Variants in ADRA1A observed in about 807,000 individuals in gnomAD.
ADRA1A encodes alpha-1A adrenergic receptor.
ADRA1A carries 31 observed loss-of-function variants against 29.6 expected under a neutral mutation model. The ratio of observed to expected loss-of-function variants is 1.05; its 90% CI spans 0.79 to 1.41. ADRA1A has a LOEUF of 1.41. Ranked by LOEUF, ADRA1A falls within the 40% of genes most tolerant of loss-of-function variation. The pLI, the probability that ADRA1A is intolerant of heterozygous loss-of-function variation, is 0.00. For missense variants in ADRA1A, 619 were observed against 601.1 expected (o/e 1.03, Z -0.31); for synonymous variants, 311 against 254.3 (o/e 1.22, Z -2.12).
rs201746874 is a variant in ADRA1A at position 26,770,164 on chromosome 8, G to A, written c.1386C>T (p.Asn462=). ...IKVHTISLSE[N]GEEV is the part of the protein sequence containing the mutation. ...CTTTCCTGTCCTAGACTTCCTCCCC[G>A]TTCTCACTGAGGGAGATGGTGTGGA... Residue 462 remains asparagine, a synonymous_variant, in exon 3 of 3, where the codon AAC becomes AAT. Coordinates refer to ENST00000380573, the MANE Select transcript of ADRA1A (RefSeq NM_000680.4). 8.3e-5 allele frequency: 129 copies of A among 1,554,038 alleles called. No homozygotes were observed. The highest frequency in any genetic ancestry group is 6.3e-4 in the Admixed American group (34 of 53,706).
chr8:26,807,355 T>C (rs1225219622), intron 2 of ADRA1A, among the ~76,000 whole-genome samples: 1 of 152,190 alleles, frequency 6.6e-6, no homozygotes, highest in African/African-American at 2.4e-5. Flanking sequence ...CATGGGTGGC[T>C]AAAAATATTA....
chr8:26,845,604 A>G (rs891858616), intron 2 of ADRA1A, among the ~76,000 whole-genome samples: 8 of 152,230 alleles, frequency 5.3e-5, no homozygotes, highest in African/African-American at 1.7e-4. Context: ...AAGAACTGAA[A>G]ACTGGTACTC....
chr8:26,763,187 C>G (rs1805601003), downstream of ADRA1A, among the ~76,000 whole-genome samples: 1 of 152,152 alleles, frequency 6.6e-6, no homozygotes, highest in South Asian at 2.1e-4. This position sits in a 1 kb window ranked among gnomAD's most constrained non-coding sequence, Gnocchi z 4.5. Flanking sequence ...CCTTGGTGAG[C>G]TCCAGGCAGG....
At chr8:26,808,684 T>C (rs1809169749) in intron 2 of ADRA1A, among the ~76,000 whole-genome samples, 1 of 152,240 alleles carries the variant, frequency 6.6e-6, no homozygotes, top group Non-Finnish European at 1.5e-5. Flanking sequence ...AGATGTCACA[T>C]TCTCTCTCCT....
chr8:26,825,599 G>C lies in ADRA1A; in HGVS notation c.883+38488C>G, dbSNP rs1810500442. Among the ~76,000 whole-genome samples the C allele has an allele frequency of 6.6e-6, 1 of 152,134 alleles. No individual in the cohort carries two copies. The highest frequency in any genetic ancestry group is 1.5e-5 in the Non-Finnish European group (1 of 68,032). On this transcript the variant is annotated intron_variant, in intron 2 of 2. Transcript: ENST00000380573. This position sits in a 1 kb window ranked among gnomAD's most constrained non-coding sequence, Gnocchi z 5.7. ...ATATCCCACTTATTCACTAATCCCAGATCAAGCTTCACTTCCTCCAAAAAG... is the reference window on the plus strand; with the variant it reads ...ATATCCCACTTATTCACTAATCCCACATCAAGCTTCACTTCCTCCAAAAAG...
At chr8:26,855,598 A>C (rs1277117567) in intron 2 of ADRA1A, among the ~76,000 whole-genome samples, 1 of 152,142 alleles carries the variant, frequency 6.6e-6, no homozygotes, top group East Asian at 1.9e-4. Context: ...GGGCAAGAGG[A>C]GGGAGAGCAT....
intron 2 of ADRA1A, among the ~76,000 whole-genome samples, chr8:26,820,619 C>A (rs568170553): frequency 6.6e-6 from 1 of 152,178 alleles, no homozygotes; most frequent in Non-Finnish European, 1.5e-5. Flanking sequence ...GCACCTTACA[C>A]TTTCTCACCT....
chr8:26,779,399 AT>A lies in ADRA1A; in HGVS notation c.884-8734del. ...CTGGTTGTTTAAAGCTGGGTGAGTC[AT>A]TTTTTCCTTCTTGGGCCTCAGTTTC... On this transcript the variant is annotated intron_variant, in intron 2 of 2. Transcript: ENST00000380573. The A allele has an allele frequency of 4.3e-6, 3 of 702,236 alleles. No individual in the cohort carries two copies. In the South Asian group the frequency reaches 4.4e-5, roughly 10 times the overall value. 43.5% of individuals were successfully genotyped at this position (702,236 alleles called of 1,614,324 possible).
At position 26,748,611 on chromosome 8, in the gene ADRA1A, G is replaced by A. The variant is rs868130110; in HGVS notation, c.1407C>T (p.Ala469=). ...AAAATTAGCTGGGCCTGGTGGCGTC[G>A]GCCTGGTGGCACATCCCTGTAGTCC... is the stretch of plus-strand genomic sequence containing the variant. Residue 469 remains alanine, a synonymous_variant, in exon 3 of 3, where the codon GCC becomes GCT. Coordinates refer to the ADRA1A transcript ENST00000380586. 8.8e-5 allele frequency: 37 copies of A among 421,174 alleles called. 1 individual carries two copies. In the Middle Eastern group the frequency reaches 3.9e-3, roughly 45 times the overall value. 26.1% of individuals were successfully genotyped at this position (421,174 alleles called of 1,614,324 possible).
intron 2 of ADRA1A, among the ~76,000 whole-genome samples, chr8:26,838,468 C>T (rs1460762295): frequency 6.6e-6 from 1 of 152,182 alleles, no homozygotes; most frequent in Non-Finnish European, 1.5e-5. Context: ...CTTTGAGTCT[C>T]TTCAATTTAA....
chr8:26,755,920 A>C (rs942265175), downstream of ADRA1A, among the ~76,000 whole-genome samples: 2 of 152,192 alleles, frequency 1.3e-5, no homozygotes, highest in African/African-American at 2.4e-5. Flanking sequence ...AATGTTCTAG[A>C]ATTTGAGGGA....
Position 26,865,609 on chromosome 8 carries a change from T to C in ADRA1A, c.-640A>G, listed in dbSNP as rs561982799. The C allele has an allele frequency of 3.0e-5, 30 of 986,898 alleles. No individual in the cohort carries two copies. In the East Asian group the frequency reaches 3.2e-3, roughly 105 times the overall value. The allele number at this position is 986,898 out of a possible 1,614,324, so 61.1% of individuals were successfully genotyped here. A position where few individuals can be genotyped will look rare whatever the true frequency, so the allele number is the denominator to read the frequency against. ...GGTCAGGGGACGTAGGTGTGGAATATGTGCTGAGACCCAGGAGGCTGCGGG... is the reference window on the plus strand; with the variant it reads ...GGTCAGGGGACGTAGGTGTGGAATACGTGCTGAGACCCAGGAGGCTGCGGG... On this transcript the variant is annotated 5_prime_UTR_variant, in exon 2 of 3. Coordinates refer to ENST00000380573, the MANE Select transcript of ADRA1A (RefSeq NM_000680.4). The surrounding 1 kb of genome is among the most constrained non-coding windows in gnomAD (Gnocchi z 7.6).
At chr8:26,771,356 T>C (rs984401945) in intron 2 of ADRA1A, among the ~76,000 whole-genome samples, 2 of 152,224 alleles carry the variant, frequency 1.3e-5, no homozygotes, top group African/African-American at 2.4e-5. Context: ...CTTTCTAATA[T>C]GACTAGTTGC....
intron 2 of ADRA1A, among the ~76,000 whole-genome samples, chr8:26,856,367 A>G (rs540596499): frequency 1.2e-4 from 19 of 152,348 alleles, no homozygotes; most frequent in South Asian, 1.2e-3. Context: ...GTTTTCACTA[A>G]GCCTTTGATA....
At chr8:26,817,687 A>G (rs1017673817) in intron 2 of ADRA1A, among the ~76,000 whole-genome samples, 4 of 152,130 alleles carry the variant, frequency 2.6e-5, no homozygotes, top group Non-Finnish European at 5.9e-5. Flanking sequence ...CTGACATTGG[A>G]GGATTGATTG....
rs117625041 is a variant in ADRA1A at position 26,825,611 on chromosome 8, C to T, written c.883+38476G>A. Among the ~76,000 whole-genome samples, 505 of 152,316 alleles carry T rather than the reference C, an allele frequency of 3.3e-3. 5 individuals carry two copies. The highest frequency in any genetic ancestry group is 3.3e-3 in the Non-Finnish European group (223 of 68,032). On this transcript the variant is annotated intron_variant, in intron 2 of 2. Coordinates refer to ENST00000380573, the MANE Select transcript of ADRA1A (RefSeq NM_000680.4). This position sits in a 1 kb window ranked among gnomAD's most constrained non-coding sequence, Gnocchi z 5.7. ...TTCACTAATCCCAGATCAAGCTTCA[C>T]TTCCTCCAAAAAGTCTTTTTCAACT... is the stretch of plus-strand genomic sequence containing the variant.
intron 2 of ADRA1A, among the ~76,000 whole-genome samples, chr8:26,797,363 C>A (rs1484604424): frequency 6.6e-6 from 1 of 152,064 alleles, no homozygotes; most frequent in Non-Finnish European, 1.5e-5. Flanking sequence ...GTGGTGCGAT[C>A]ACAGTTCACG....
At chr8:26,791,055 A>G (rs957451786) in intron 2 of ADRA1A, among the ~76,000 whole-genome samples, 1 of 152,136 alleles carries the variant, frequency 6.6e-6, no homozygotes, top group African/African-American at 2.4e-5. Flanking sequence ...ATCTAGAAAT[A>G]AGACCAGATT....
intron 2 of ADRA1A, among the ~76,000 whole-genome samples, chr8:26,803,320 T>C (rs1178000537): frequency 7.2e-5 from 11 of 152,202 alleles, no homozygotes; most frequent in African/African-American, 2.2e-4. Flanking sequence ...AGTATATGAC[T>C]GTATCAAAAT....
Sources: allele counts gnomAD v4.1 joint callset (sites outside exome capture counted in the v4.1 genomes callset), GRCh38; gene constraint gnomAD v4.1.1; non-coding constraint Gnocchi (gnomAD v3.1); transcripts MANE v1.5; gene names NCBI Gene and HGNC (gene_info 2026-07-23, HGNC 2026-07-21).